The following TOM1L2 variants were observed in gnomAD, a reference collection of about 807,000 sequenced individuals.
TOM1L2 encodes the protein TOM1-like protein 2.
A neutral mutation model predicts 67.9 loss-of-function variants in TOM1L2; 31 were observed. The ratio of observed to expected loss-of-function variants is 0.46; its 90% confidence interval spans 0.34 to 0.62. The LOEUF is 0.62. Among genes scored for constraint, TOM1L2 ranks in the 20% least tolerant of loss-of-function variants. TOM1L2 has a pLI of 0.01. For synonymous variants in TOM1L2, 256 were observed against 254.0 expected, an observed-to-expected ratio of 1.01 and a Z score of -0.07; for missense variants, 606 against 663.5, an observed-to-expected ratio of 0.91 and a Z score of 0.95.
At chr17:17,881,282 G>A (rs1490803535) in intron 6 of TOM1L2, among the ~76,000 whole-genome samples, 1 of 152,150 alleles carries the variant, frequency 6.6e-6, no homozygotes, top group African/African-American at 2.4e-5. Context: ...CAGCCACCCA[G>A]TAGACTCTGA....
chr17:17,884,551 G>A (rs2037893309), intron 5 of TOM1L2, 83 bp downstream of exon 5: 1 of 1,571,926 alleles, frequency 6.4e-7, no homozygotes. Context: ...TAATTCAAAG[G>A]CAGCAGCAGA....
At chr17:17,921,391 G>T (rs2039862030) in intron 1 of TOM1L2, among the ~76,000 whole-genome samples, 1 of 152,258 alleles carries the variant, frequency 6.6e-6, no homozygotes, top group Non-Finnish European at 1.5e-5. Flanking sequence ...GATTTAAAAT[G>T]CATTTGGGGT....
intron 1 of TOM1L2, among the ~76,000 whole-genome samples, chr17:17,911,372 T>C (rs544163483): frequency 7.4e-4 from 112 of 152,336 alleles, no homozygotes; most frequent in African/African-American, 2.6e-3. Flanking sequence ...CCTTGGCCAT[T>C]AGCATATCAC....
At position 17,866,202 on chromosome 17, in the gene TOM1L2, T is replaced by G. The variant is rs887069463; in HGVS notation, c.1084+94A>C. On this transcript the variant is annotated intron_variant, in intron 10 of 14. Coordinates refer to ENST00000379504, the MANE Select transcript of TOM1L2 (RefSeq NM_001082968.2). ...TTCACATGTATTTCCCAAAAGACTC[T>G]CTTTGGGTCTTCCAAGAAAGAAAGA... The G allele has an allele frequency of 2.1e-6, 3 of 1,429,186 alleles. No homozygotes were observed. In the South Asian group the frequency reaches 4.4e-5, roughly 21 times the overall value. The allele number at this position is 1,429,186 out of a possible 1,614,324, so 88.5% of individuals were successfully genotyped here.
chr17:17,852,754 A>ACTGGG (rs914907292), intron 12 of TOM1L2, among the ~76,000 whole-genome samples: 4 of 151,300 alleles, frequency 2.6e-5, no homozygotes, highest in African/African-American at 9.7e-5. Flanking sequence ...AGTCCCAGCT[A>ACTGGG]CTGGGGAGGC....
chr17:17,911,891 C>T (rs1424400238), intron 1 of TOM1L2, among the ~76,000 whole-genome samples: 1 of 148,648 alleles, frequency 6.7e-6, no homozygotes, highest in Non-Finnish European at 1.5e-5. Flanking sequence ...ATCTGTTTAA[C>T]AAAGCACATC....
chr17:17,879,586 A>G (rs1568145166), intron 7 of TOM1L2, 41 bp downstream of exon 7: 1 of 1,506,876 alleles, frequency 6.6e-7, no homozygotes, highest in East Asian at 2.3e-5. Flanking sequence ...ACGGTGGAAG[A>G]GCTGCCACCA....
rs190254223 is a variant in TOM1L2, at chr17:17,911,680, C to A, written c.53-4149G>T. ...TTTAATTTTTTTATTTTTTATTGAT[C>A]ATTCTTGGGTGTTTCTCACAGAGGG... On this transcript the variant is annotated intron_variant, in intron 1 of 14. Transcript: ENST00000379504. 7.4e-3 allele frequency among the ~76,000 whole-genome samples: 1,102 copies of A among 147,940 alleles called. 12 individuals are homozygous for A. The highest frequency in any genetic ancestry group is 0.026 in the African/African-American group (1,054 of 39,976).
chr17:17,912,974 AG>A (rs2144511938), intron 1 of TOM1L2, among the ~76,000 whole-genome samples: 1 of 152,368 alleles, frequency 6.6e-6, no homozygotes, highest in African/African-American at 2.4e-5. Flanking sequence ...GCTCGCGGTT[AG>A]GAGCTGGAGA....
At chr17:17,961,508 G>A (rs1410247478) in intron 1 of TOM1L2, among the ~76,000 whole-genome samples, 1 of 151,994 alleles carries the variant, frequency 6.6e-6, no homozygotes, top group Non-Finnish European at 1.5e-5. Flanking sequence ...TCAGAAGTTC[G>A]AGGCTGCAGG....
At chr17:17,971,234 A>C (rs2042065720) in intron 1 of TOM1L2, among the ~76,000 whole-genome samples, 1 of 152,148 alleles carries the variant, frequency 6.6e-6, no homozygotes, top group Non-Finnish European at 1.5e-5. Context: ...GAATATCAAA[A>C]CTTGAGAACT....
chr17:17,882,061 G>A (rs1018517237), intron 6 of TOM1L2, among the ~76,000 whole-genome samples: 3 of 152,172 alleles, frequency 2.0e-5, no homozygotes, highest in Non-Finnish European at 2.9e-5. Flanking sequence ...AAAAAATCCA[G>A]TGTGGGGTTA....
chr17:17,851,614 G>C (rs2035984982), intron 12 of TOM1L2, among the ~76,000 whole-genome samples: 1 of 152,170 alleles, frequency 6.6e-6, no homozygotes, highest in African/African-American at 2.4e-5. Context: ...GCAAAAACGA[G>C]GGCTCTGATG....
intron 1 of TOM1L2, among the ~76,000 whole-genome samples, chr17:17,936,947 T>A (rs1319868340): frequency 6.6e-6 from 1 of 152,228 alleles, no homozygotes; most frequent in African/African-American, 2.4e-5. Flanking sequence ...TCTTCCACAT[T>A]GTTCTAAAGC....
intron 1 of TOM1L2, among the ~76,000 whole-genome samples, chr17:17,947,827 A>C (rs2041018021): frequency 6.6e-6 from 1 of 152,190 alleles, no homozygotes; most frequent in South Asian, 2.1e-4. Context: ...AAGTACAACA[A>C]GTTGTATTCA....
intron 1 of TOM1L2, among the ~76,000 whole-genome samples, chr17:17,934,564 GTGTTT>G (rs372509876): frequency 3.9e-4 from 60 of 152,308 alleles, no homozygotes; most frequent in East Asian, 1.7e-3. Context: ...ATGTCTTACT[GTGTTT>G]TGTTTTGTTT....
chr17:17,904,296 C>G (rs1248623722), intron 2 of TOM1L2, among the ~76,000 whole-genome samples: 1 of 152,214 alleles, frequency 6.6e-6, no homozygotes, highest in Non-Finnish European at 1.5e-5. Context: ...AAAAAGAAGG[C>G]ATTGGCCCCT....
At chr17:17,881,232 G>T (rs1404057763) in intron 6 of TOM1L2, among the ~76,000 whole-genome samples, 1 of 152,198 alleles carries the variant, frequency 6.6e-6, no homozygotes, top group Non-Finnish European at 1.5e-5. Flanking sequence ...TTGGTAGAGA[G>T]AAGAGGTTTC....
chr17:17,937,549 G>A (rs1376621680), intron 1 of TOM1L2, among the ~76,000 whole-genome samples: 1 of 152,164 alleles, frequency 6.6e-6, no homozygotes, highest in African/African-American at 2.4e-5. Flanking sequence ...TCACCAGTGG[G>A]GGAGGGCCTT....
Sources: gnomAD v4.1 joint callset for allele counts (sites outside exome capture counted in the v4.1 genomes callset) on GRCh38, gnomAD v4.1.1 for gene constraint, MANE v1.5 for transcripts, NCBI Gene and HGNC (gene_info 2026-07-23, HGNC 2026-07-21) for gene names.